ANKRD30B: variants seen among roughly 807,000 people sequenced by gnomAD.
The protein encoded by ANKRD30B is ankyrin repeat domain-containing protein 30B.
In ANKRD30B, 144 loss-of-function variants were observed where a neutral mutation model predicts 202.2. That is an observed-to-expected ratio of 0.71 (90% confidence interval 0.62 to 0.82). The LOEUF (loss-of-function observed/expected upper bound fraction) is 0.82. ANKRD30B is among the 40% of genes least tolerant of loss of function. The pLI, the probability that ANKRD30B is intolerant of heterozygous loss-of-function variation, is 0.00. For missense variants in ANKRD30B, 1,487 were observed against 1,669.1 expected (o/e 0.89, Z 1.90); for synonymous variants, 508 against 561.3 (o/e 0.91, Z 1.34).
intron 39 of ANKRD30B, among the ~76,000 whole-genome samples, chr18:14,844,790 ATGGT>A (rs1971565317): frequency 6.6e-6 from 1 of 151,964 alleles, no homozygotes; most frequent in Non-Finnish European, 1.5e-5. Context: ...CTGGTGTGAG[ATGGT>A]ATCTCATTGT....
chr18:14,769,313 T>G, intron 7 of ANKRD30B, 30 bp from the exon 8 acceptor site: 4 of 1,447,074 alleles, frequency 2.8e-6, no homozygotes, highest in Non-Finnish European at 3.8e-6. Flanking sequence ...ATTTGTTAAT[T>G]TAATGTATTT....
At chr18:14,917,663 C>T in the ANKRD30B span, among the ~76,000 whole-genome samples, 1 of 152,204 alleles carries the variant, frequency 6.6e-6, no homozygotes, top group Non-Finnish European at 1.5e-5. Flanking sequence ...TGCTGTACAC[C>T]CTGAACAGCA....
chr18:14,762,263 A>G (rs768084736), intron 6 of ANKRD30B, among the ~76,000 whole-genome samples: 22 of 152,208 alleles, frequency 1.4e-4, no homozygotes, highest in Non-Finnish European at 2.9e-4. Flanking sequence ...ACCCTTATTC[A>G]AGGATCAACT....
intron 33 of ANKRD30B, among the ~76,000 whole-genome samples, 182 bp from the exon 34 acceptor site, chr18:14,831,201 C>CA (rs1970919189): frequency 1.4e-5 from 1 of 70,634 alleles, no homozygotes; most frequent in Non-Finnish European, 2.9e-5. Context: ...AAAAAAAAAA[C>CA]GAAAACCAGA....
chr18:14,887,254 T>C, the ANKRD30B span, among the ~76,000 whole-genome samples: 1 of 152,072 alleles, frequency 6.6e-6, no homozygotes, highest in Non-Finnish European at 1.5e-5. Flanking sequence ...CAGGGCCCCT[T>C]ATTCCTAACT....
At chr18:14,896,965 C>CA in the ANKRD30B span, among the ~76,000 whole-genome samples, 5,099 of 107,876 alleles carry the variant, frequency 0.047, 123 homozygotes, top group African/African-American at 0.094. Flanking sequence ...ATGCCAATTG[C>CA]AAAAAAAAAA....
chr18:14,832,784 A>G (rs1291117307), intron 34 of ANKRD30B, among the ~76,000 whole-genome samples: 2 of 152,248 alleles, frequency 1.3e-5, no homozygotes, highest in Non-Finnish European at 2.9e-5. Context: ...AATGTGCGTT[A>G]TCTTGAGAAA....
intron 9 of ANKRD30B, among the ~76,000 whole-genome samples, chr18:14,776,651 TG>T (rs1173060393): frequency 6.6e-6 from 1 of 152,250 alleles, no homozygotes; most frequent in Non-Finnish European, 1.5e-5. Context: ...TGCAAATATG[TG>T]TCTGGCATAT....
At chr18:14,846,742 C>G (rs1971654497) in intron 39 of ANKRD30B, among the ~76,000 whole-genome samples, 1 of 151,886 alleles carries the variant, frequency 6.6e-6, no homozygotes, top group Admixed American at 6.6e-5. Context: ...AACCACTCTT[C>G]CTCAGCCTTC....
chr18:14,794,949 T>G (rs10853251), intron 16 of ANKRD30B, among the ~76,000 whole-genome samples: 151,506 of 152,320 alleles, frequency 0.99, 75,353 homozygotes, highest in Middle Eastern at 1. Flanking sequence ...ATATTTCTAT[T>G]TCAAAGAAAT....
the ANKRD30B span, among the ~76,000 whole-genome samples, chr18:14,895,345 C>T: frequency 6.6e-6 from 1 of 152,174 alleles, no homozygotes; most frequent in African/African-American, 2.4e-5. Context: ...CTCTATACAA[C>T]TATTAGCATG....
chr18:14,844,715 T>TC (rs1971560651), intron 39 of ANKRD30B, among the ~76,000 whole-genome samples: 1 of 152,222 alleles, frequency 6.6e-6, no homozygotes, highest in Non-Finnish European at 1.5e-5. Flanking sequence ...GTAAAAGTTT[T>TC]CCTATTTCTC....
the ANKRD30B span, among the ~76,000 whole-genome samples, chr18:14,860,278 G>A: frequency 2.1e-4 from 28 of 132,536 alleles, no homozygotes; most frequent in Admixed American, 1.4e-3. Context: ...ATGGGGTGGC[G>A]GTCAGGCAGA....
intron 34 of ANKRD30B, among the ~76,000 whole-genome samples, chr18:14,831,964 GT>G (rs930137432): frequency 6.6e-6 from 1 of 152,080 alleles, no homozygotes; most frequent in Non-Finnish European, 1.5e-5. Flanking sequence ...TAGCATATAG[GT>G]TTTTTTGGCG....
In ANKRD30B at chr18:14,850,213, G is replaced by C; in HGVS notation, c.3396-1G>C. 6.5e-7 allele frequency: 1 copy of C among 1,530,556 alleles called. No individual in the cohort carries two copies. Among genetic ancestry groups the C allele is most frequent in the Non-Finnish European group, 8.8e-7 (1 of 1,140,066 alleles). The allele number at this position is 1,530,556 out of a possible 1,614,324, so 94.8% of individuals were successfully genotyped here. A position where few individuals can be genotyped will look rare whatever the true frequency, so the allele number is the denominator to read the frequency against. The stretch of plus-strand genomic sequence containing the variant: ...TTTAAGATAAGTATGTTTAATGGCA[G>C]ATTGACTTTAAATCAAGAAGAAGAG... On this transcript the variant is annotated splice_acceptor_variant, in intron 40 of 43. Coordinates refer to ENST00000690538, the MANE Select transcript of ANKRD30B (RefSeq NM_001367607.2). LOFTEE classifies it high-confidence loss of function.
chr18:14,779,681 T>C (rs1331809850), intron 10 of ANKRD30B, among the ~76,000 whole-genome samples: 2 of 152,210 alleles, frequency 1.3e-5, no homozygotes, highest in Non-Finnish European at 2.9e-5. Flanking sequence ...GTGTGTTTCA[T>C]GGGAGAAGAG....
Position 14,753,843 on chromosome 18 carries a change from A to AG in ANKRD30B, c.510+835dup, listed in dbSNP as rs199854228. 5.8e-3 allele frequency among the ~76,000 whole-genome samples: 890 copies of AG among 152,230 alleles called. 16 individuals carry two copies. The highest frequency in any genetic ancestry group is 0.02 in the African/African-American group (849 of 41,554). On this transcript the variant is annotated intron_variant, in intron 3 of 43. Coordinates refer to ENST00000690538, the MANE Select transcript of ANKRD30B (RefSeq NM_001367607.2). The stretch of plus-strand genomic sequence containing the variant: ...TTGTCCCTTAAAATTCAAGTGATTT[A>AG]GGGGCTTCTGTTATGCTAATCCACA...
chr18:14,785,042 CTGTG>C (rs1467597435), intron 14 of ANKRD30B, among the ~76,000 whole-genome samples: 1 of 151,768 alleles, frequency 6.6e-6, no homozygotes, highest in African/African-American at 2.4e-5. Context: ...GCGTGTGTTC[CTGTG>C]TGTGTCTGTT....
In ANKRD30B at chr18:14,852,031, A is replaced by C. The variant is rs771718715; in HGVS notation, c.4087A>C (p.Lys1363Gln). 1.4e-5 allele frequency: 22 copies of C among 1,605,142 alleles called. No individual in the cohort carries two copies. In the Admixed American group the frequency reaches 1.9e-4, roughly 14 times the overall value. ...YEAQRKSKSP[K>Q]INLNYAGDDL... Reference sequence around the variant, plus strand: ...AGCTCAAAGGAAATCCAAAAGCCCAAAAATTAATCTCAATTATGCAGGAGA... The same window carrying C: ...AGCTCAAAGGAAATCCAAAAGCCCACAAATTAATCTCAATTATGCAGGAGA... Residue 1363 changes from lysine (K) to glutamine (Q), a missense_variant, in exon 42 of 44, where the codon AAA (lysine) becomes CAA (glutamine). Around this residue, in one of 6 missense-constraint regions of ANKRD30B, gnomAD observed 182 missense variants for 216.0 expected, o/e 0.84. Transcript: ENST00000690538.
Sources: allele counts gnomAD v4.1 joint callset (sites outside exome capture counted in the v4.1 genomes callset), GRCh38; gene constraint gnomAD v4.1.1; regional missense constraint gnomAD v4.1.1; transcripts MANE v1.5; gene names NCBI Gene and HGNC (gene_info 2026-07-23, HGNC 2026-07-21).